The following CELF3 variants were observed in gnomAD, a reference collection of about 807,000 sequenced individuals.
CELF3 encodes the protein CUGBP Elav-like family member 3.
A neutral mutation model predicts 59.6 loss-of-function variants in CELF3; 26 were observed. The observed-to-expected ratio is 0.44, with a 90% CI of 0.32 to 0.61. CELF3 has a LOEUF of 0.61. CELF3 is among the 20% of genes least tolerant of loss of function. The pLI, the probability that CELF3 is intolerant of heterozygous loss-of-function variation, is 0.06. For missense variants in CELF3, 387 were observed against 627.2 expected, an observed-to-expected ratio of 0.62 and a Z score of 4.09; for synonymous variants, 245 against 250.7, an observed-to-expected ratio of 0.98 and a Z score of 0.22.
Position 151,709,856 on chromosome 1 carries a change from C to T in CELF3, c.229-65G>A. ...CTGAACACCCAAGAGCCCTCCCAGG[C>T]CAGGCCCTGCAGAGAGACTAGAGGG... On this transcript the variant is annotated intron_variant, in intron 2 of 12. Transcript: ENST00000290583. This position sits in a 1 kb window ranked among gnomAD's most constrained non-coding sequence, Gnocchi z 4.9. The T allele has an allele frequency of 6.6e-7, 1 of 1,512,352 alleles. No individual in the cohort carries two copies. Among genetic ancestry groups the T allele is most frequent in the Non-Finnish European group, 9.2e-7 (1 of 1,087,134 alleles). The allele number at this position is 1,512,352 out of a possible 1,614,324, so 93.7% of individuals were successfully genotyped here.
intron 6 of CELF3, 56 bp from the exon 7 acceptor site, chr1:151,707,704 C>A: frequency 6.3e-7 from 1 of 1,598,922 alleles, no homozygotes; most frequent in Non-Finnish European, 8.5e-7. Context: ...GCCTGGCTCC[C>A]TCCCAGCCCG....
In CELF3 at chr1:151,716,178, T is replaced by G; in HGVS notation, c.-158A>C. On this transcript the variant is annotated 5_prime_UTR_variant, in exon 1 of 13. Transcript: ENST00000290583. ...ACGCTGCTAAGCAGAGGGGCGGCTC[T>G]TCACACAAAGGAGGCCCAGGGAGTT... The G allele has an allele frequency of 1.4e-6, 1 of 704,126 alleles. No homozygotes were observed. The allele number at this position is 704,126 out of a possible 1,614,324, so 43.6% of individuals were successfully genotyped here.
chr1:151,706,907 C>G (rs534713987), intron 8 of CELF3, among the ~76,000 whole-genome samples, 173 bp from the exon 9 acceptor site: 5 of 152,202 alleles, frequency 3.3e-5, no homozygotes, highest in African/African-American at 1.2e-4. Flanking sequence ...GGGGAAAGAG[C>G]CCAGCGTTAG....
chr1:151,707,531 C>T lies in CELF3; in HGVS notation c.748G>A (p.Ala250Thr), dbSNP rs201319891. The T allele has an allele frequency of 2.1e-5, 34 of 1,610,242 alleles. No homozygotes were observed. The highest frequency in any genetic ancestry group is 1.1e-4 in the South Asian group (10 of 90,978). The change falls in exon 7 of 13, where the codon GCC (alanine) becomes ACC (threonine). Residue 250 changes from alanine to threonine, a missense_variant. This residue lies in a region of CELF3 where 208 missense variants were observed against 354.8 expected (regional missense o/e 0.59). Transcript: ENST00000290583. ...CCTGAGGATGGGGTGATGGGGGTGGCGATGAGGCCATTGGCATTGATGGCA... is the reference window on the plus strand; with the variant it reads ...CCTGAGGATGGGGTGATGGGGGTGGTGATGAGGCCATTGGCATTGATGGCA... ...MAAINANGLI[A>T]TPITPSSGTS...
rs113025919 is a variant in CELF3, at chr1:151,704,416, G to A, written c.*10+615C>T. Among the ~76,000 whole-genome samples, 69 of 152,248 alleles carry A rather than the reference G, an allele frequency of 4.5e-4. 1 individual carries two copies. Among genetic ancestry groups the A allele is most frequent in the South Asian group, 1.5e-3 (7 of 4,824 alleles). ...GACCTAAGTAAACTTCACAGGCGGCGCGACATTTCAACCTCTTCCACCTAA... is the reference window on the plus strand; with the variant it reads ...GACCTAAGTAAACTTCACAGGCGGCACGACATTTCAACCTCTTCCACCTAA... On this transcript the variant is annotated intron_variant, in intron 12 of 12. Coordinates refer to ENST00000290583, the MANE Select transcript of CELF3 (RefSeq NM_007185.7).
At chr1:151,703,926 T>G (rs910947368) in intron 12 of CELF3, among the ~76,000 whole-genome samples, 19 of 151,962 alleles carry the variant, frequency 1.3e-4, no homozygotes, top group African/African-American at 4.6e-4. Context: ...CAGTTAGTGC[T>G]CTCATTCCTT....
chr1:151,715,583 A>G (rs1353784298), intron 1 of CELF3: 3 of 1,393,508 alleles, frequency 2.2e-6, no homozygotes, highest in Non-Finnish European at 2.8e-6. Flanking sequence ...TTGTCCCTCC[A>G]TTCTTTCTTG....
rs530645980 is a variant in CELF3, at chr1:151,712,722, C to T, written c.228+1872G>A. ...CCATTCTTTCTCTTTCCCTCTGCAG[C>T]CCAAAATATCACCCTAGTATGGTAG... On this transcript the variant is annotated intron_variant, in intron 2 of 12. Coordinates refer to ENST00000290583, the MANE Select transcript of CELF3 (RefSeq NM_007185.7). Among the ~76,000 whole-genome samples the T allele has an allele frequency of 9.2e-5, 14 of 152,302 alleles. No individual in the cohort carries two copies. In the South Asian group the frequency reaches 2.9e-3, roughly 32 times the overall value.
intron 5 of CELF3, 83 bp from the exon 6 acceptor site, chr1:151,708,018 C>T: frequency 6.8e-7 from 1 of 1,481,256 alleles, no homozygotes; most frequent in Non-Finnish European, 9.0e-7. Context: ...GTCTCCATTC[C>T]ACCCCCATGG....
rs560002386 is a variant in CELF3 at position 151,707,310 on chromosome 1, C to A, written c.773-16G>T. ...GTGCTGGTTCCTGGGGAGGAGAAAG[C>A]GACAGGGAGAGAGCAGAGGAGCAGA... On this transcript the variant is annotated splice_polypyrimidine_tract_variant and intron_variant, in intron 7 of 12. Transcript: ENST00000290583. The A allele has an allele frequency of 1.3e-6, 2 of 1,566,482 alleles. No homozygotes were observed. Among genetic ancestry groups the A allele is most frequent in the Non-Finnish European group, 8.6e-7 (1 of 1,158,160 alleles).
chr1:151,706,380 A>G lies in CELF3; in HGVS notation c.989-19T>C. 1 of 1,536,050 alleles carries G rather than the reference A, an allele frequency of 6.5e-7. No individual in the cohort carries two copies. Among genetic ancestry groups the G allele is most frequent in the South Asian group, 1.2e-5 (1 of 82,114 alleles). Reference sequence around the variant, plus strand: ...TAGGCTGCTGGGGTGGGGAGAAGAGAGAGGCTGATGGGGCTTCCCTGACTT... The same window carrying G: ...TAGGCTGCTGGGGTGGGGAGAAGAGGGAGGCTGATGGGGCTTCCCTGACTT... On this transcript the variant is annotated intron_variant, in intron 9 of 12. Coordinates refer to ENST00000290583, the MANE Select transcript of CELF3 (RefSeq NM_007185.7).
At chr1:151,715,709 T>A in intron 1 of CELF3, 167 bp downstream of exon 1, 1 of 1,554,574 alleles carries the variant, frequency 6.4e-7, no homozygotes, top group Non-Finnish European at 8.6e-7. Context: ...GGTTTCCTGA[T>A]CACTCTAGCT....
intron 8 of CELF3, 26 bp from the exon 9 acceptor site, chr1:151,706,760 G>A (rs1347825931): frequency 1.3e-6 from 2 of 1,515,400 alleles, no homozygotes; most frequent in East Asian, 2.5e-5. Context: ...CAGACTATGA[G>A]CGTGGACCTG....
chr1:151,714,500 G>T (rs1482764719), intron 2 of CELF3, 94 bp downstream of exon 2: 1 of 881,788 alleles, frequency 1.1e-6, no homozygotes, highest in East Asian at 2.6e-5. Flanking sequence ...ATGAGAGGAG[G>T]TGGAAATTAT....
Position 151,716,235 on chromosome 1 carries a change from C to T in CELF3, c.-215G>A. 1 of 512,572 alleles carries T rather than the reference C, an allele frequency of 2.0e-6. No individual in the cohort carries two copies. The highest frequency in any genetic ancestry group is 3.4e-6 in the Non-Finnish European group (1 of 291,142). 31.8% of individuals were successfully genotyped at this position (512,572 alleles called of 1,614,324 possible). On this transcript the variant is annotated 5_prime_UTR_variant, in exon 1 of 13. Transcript: ENST00000290583. Reference sequence around the variant, plus strand: ...TAGGGGTCAGGGGTCTAGGCAGACGCTGTCATGCCACCAGGGGGCATCGCC... The same window carrying T: ...TAGGGGTCAGGGGTCTAGGCAGACGTTGTCATGCCACCAGGGGGCATCGCC...
chr1:151,702,966 C>A lies in CELF3; in HGVS notation c.*493G>T, dbSNP rs1299629010. 2 of 336,826 alleles carry A rather than the reference C, an allele frequency of 5.9e-6. No individual in the cohort carries two copies. The highest frequency in any genetic ancestry group is 7.6e-5 in the Admixed American group (2 of 26,314). The allele number at this position is 336,826 out of a possible 1,614,324, so 20.9% of individuals were successfully genotyped here. A position where few individuals can be genotyped will look rare whatever the true frequency, so the allele number is the denominator to read the frequency against. On this transcript the variant is annotated 3_prime_UTR_variant, in exon 13 of 13. Coordinates refer to ENST00000290583, the MANE Select transcript of CELF3 (RefSeq NM_007185.7). Reference sequence around the variant, plus strand: ...CTGGGAGCCCAGGAATCAGGGATATCCTACCTCTAGCTGAGGGTGGAGGGG... The same window carrying A: ...CTGGGAGCCCAGGAATCAGGGATATACTACCTCTAGCTGAGGGTGGAGGGG...
intron 7 of CELF3, 83 bp downstream of exon 7, chr1:151,707,424 C>T (rs10888428): frequency 0.37 from 583,682 of 1,566,026 alleles, 115,121 homozygotes; most frequent in East Asian, 0.63. Flanking sequence ...TCCCAGACCC[C>T]GAGGCTTCCC....
chr1:151,712,532 A>G (rs145260771), intron 2 of CELF3, among the ~76,000 whole-genome samples: 112 of 152,312 alleles, frequency 7.4e-4, no homozygotes, highest in African/African-American at 2.6e-3. Flanking sequence ...ATTTTGGTTC[A>G]GGGTGAAGGG....
At chr1:151,714,304 G>C (rs867286012) in intron 2 of CELF3, 1 of 581,360 alleles carries the variant, frequency 1.7e-6, no homozygotes, top group African/African-American at 1.9e-5. Context: ...CTTCCAACCA[G>C]CGAGTCCTCC....
Sources: allele counts gnomAD v4.1 joint callset (sites outside exome capture counted in the v4.1 genomes callset), GRCh38; gene constraint gnomAD v4.1.1; regional missense constraint gnomAD v4.1.1; non-coding constraint Gnocchi (gnomAD v3.1); transcripts MANE v1.5; gene names NCBI Gene and HGNC (gene_info 2026-07-23, HGNC 2026-07-21).